Variants in PLD5 observed in about 807,000 individuals in gnomAD.
The protein encoded by PLD5 is inactive phospholipase D5.
In PLD5, 36 loss-of-function variants were observed where a neutral mutation model predicts 61.1. That is an observed-to-expected ratio of 0.59 (90% CI 0.45 to 0.78). PLD5 has a LOEUF of 0.78. Ranked by LOEUF, PLD5 falls within the 30% of genes least tolerant of loss-of-function variation. PLD5 has a pLI of 0.00. For synonymous variants in PLD5, 243 were observed against 242.8 expected (o/e 1.00, Z -0.01); for missense variants, 515 against 644.4 (o/e 0.80, Z 2.17).
intron 1 of PLD5, among the ~76,000 whole-genome samples, chr1:242,411,272 A>G (rs535513593): frequency 2.9e-4 from 44 of 152,200 alleles, no homozygotes; most frequent in African/African-American, 9.9e-4. Context: ...GTCTCGCTCT[A>G]TCGCCCAGGC....
intron 2 of PLD5, among the ~76,000 whole-genome samples, chr1:242,310,994 C>T (rs1574710615): frequency 6.6e-6 from 1 of 152,080 alleles, no homozygotes; most frequent in East Asian, 1.9e-4. Context: ...TTTACTTCTT[C>T]CAGTGGCCAG....
intron 1 of PLD5, among the ~76,000 whole-genome samples, chr1:242,348,863 G>A (rs575035436): frequency 2.0e-5 from 3 of 152,100 alleles, no homozygotes; most frequent in Non-Finnish European, 2.9e-5. Flanking sequence ...GACCGTCCTG[G>A]CTAACACGGT....
In PLD5 at chr1:242,084,307, T is replaced by TA. The variant is rs71802018; in HGVS notation, c.*5546dup. 3.2e-4 allele frequency: 49 copies of TA among 152,004 alleles called. No homozygotes were observed. Among genetic ancestry groups the TA allele is most frequent in the African/African-American group, 1.1e-3 (45 of 41,392 alleles). The allele number at this position is 152,004 out of a possible 1,614,324, so 9.4% of individuals were successfully genotyped here. ...ACCTCTCCAATGATAGTTTTTTTTTTAAAAGTATGCCTCTCAGATTGATTC... is the reference window on the plus strand; with the variant it reads ...ACCTCTCCAATGATAGTTTTTTTTTTAAAAAGTATGCCTCTCAGATTGATTC... On this transcript the variant is annotated 3_prime_UTR_variant, in exon 10 of 10. Coordinates refer to ENST00000536534, the MANE Select transcript of PLD5 (RefSeq NM_001372062.1).
At chr1:242,103,530 G>A (rs955481353) in intron 8 of PLD5, among the ~76,000 whole-genome samples, 13 of 152,174 alleles carry the variant, frequency 8.5e-5, no homozygotes, top group Admixed American at 7.9e-4. Flanking sequence ...GTAATTATCT[G>A]GAAAATGCTG....
At chr1:242,223,663 A>G (rs1670743544) in intron 4 of PLD5, among the ~76,000 whole-genome samples, 1 of 152,206 alleles carries the variant, frequency 6.6e-6, no homozygotes, top group Non-Finnish European at 1.5e-5. Flanking sequence ...AAATTCCTGT[A>G]TGTGGTATAA....
intron 9 of PLD5, among the ~76,000 whole-genome samples, chr1:242,090,549 G>C (rs147278136): frequency 3.3e-5 from 5 of 152,288 alleles, no homozygotes; most frequent in African/African-American, 1.2e-4. Context: ...TCACATCAAA[G>C]AAAACGCTGA....
chr1:242,354,720 A>C (rs898546757), intron 1 of PLD5, among the ~76,000 whole-genome samples: 171 of 152,120 alleles, frequency 1.1e-3, no homozygotes, highest in Non-Finnish European at 9.0e-4. Context: ...ATCTAGATGA[A>C]AGGGCTCTAA....
At chr1:242,507,994 G>GTT (rs34331301) in intron 1 of PLD5, among the ~76,000 whole-genome samples, 1,971 of 147,500 alleles carry the variant, frequency 0.013, 44 homozygotes, top group African/African-American at 0.046. Context: ...TTTTTAATCT[G>GTT]TTTTTTTTTT....
chr1:242,425,431 C>T (rs1665365265), intron 1 of PLD5, among the ~76,000 whole-genome samples: 1 of 152,026 alleles, frequency 6.6e-6, no homozygotes, highest in African/African-American at 2.4e-5. Context: ...AAATGGTATA[C>T]CTGTAGAGGG....
At chr1:242,253,642 A>G (rs543252941) in intron 4 of PLD5, among the ~76,000 whole-genome samples, 2 of 152,132 alleles carry the variant, frequency 1.3e-5, no homozygotes, top group South Asian at 4.2e-4. Context: ...ATCCTCCCCA[A>G]ATTCTAGCAT....
chr1:242,097,262 C>T (rs1468981112), intron 9 of PLD5, among the ~76,000 whole-genome samples: 1 of 152,158 alleles, frequency 6.6e-6, no homozygotes, highest in Non-Finnish European at 1.5e-5. Flanking sequence ...TGGGTATATA[C>T]CCAGTAATAG....
chr1:242,415,811 G>T (rs1374513939), intron 1 of PLD5, among the ~76,000 whole-genome samples: 2 of 152,162 alleles, frequency 1.3e-5, no homozygotes, highest in East Asian at 3.9e-4. Context: ...GCTGGGCCAA[G>T]ATTTTTTTAA....
chr1:242,113,740 GC>G (rs1661724307), intron 7 of PLD5, 149 bp downstream of exon 7: 4 of 952,738 alleles, frequency 4.2e-6, no homozygotes, highest in Non-Finnish European at 4.4e-6. Flanking sequence ...TGAGTAAATT[GC>G]CAATGCATGT....
At chr1:242,367,215 A>G (rs922003100) in intron 1 of PLD5, among the ~76,000 whole-genome samples, 4 of 152,192 alleles carry the variant, frequency 2.6e-5, no homozygotes, top group African/African-American at 9.7e-5. Context: ...CCACCTATGG[A>G]CAAGAAATTT....
chr1:242,229,275 T>C (rs1335746842), intron 4 of PLD5, among the ~76,000 whole-genome samples: 3 of 152,352 alleles, frequency 2.0e-5, no homozygotes, highest in South Asian at 2.1e-4. Context: ...CAAACAGAAT[T>C]TATCTCCAAG....
At chr1:242,242,516 G>T (rs1457050692) in intron 4 of PLD5, among the ~76,000 whole-genome samples, 2 of 152,204 alleles carry the variant, frequency 1.3e-5, no homozygotes, top group African/African-American at 4.8e-5. Flanking sequence ...TTTTGCTAAA[G>T]ATCCAATAAC....
At chr1:242,455,230 G>C (rs994342245) in intron 1 of PLD5, among the ~76,000 whole-genome samples, 13 of 152,108 alleles carry the variant, frequency 8.5e-5, no homozygotes, top group African/African-American at 2.9e-4. Context: ...CATTTGAAAG[G>C]CTTTATTTAG....
chr1:242,291,050 G>A (rs1675332276), intron 2 of PLD5, among the ~76,000 whole-genome samples: 1 of 152,066 alleles, frequency 6.6e-6, no homozygotes, highest in Non-Finnish European at 1.5e-5. Flanking sequence ...GGATTCAAAT[G>A]CCCTTTGTGA....
intron 9 of PLD5, among the ~76,000 whole-genome samples, chr1:242,098,607 T>C (rs1660442101): frequency 6.6e-6 from 1 of 152,242 alleles, no homozygotes. Context: ...GGTGAGGAGC[T>C]GCGTTCCTTT....
Sources: allele counts gnomAD v4.1 joint callset (sites outside exome capture counted in the v4.1 genomes callset), GRCh38; gene constraint gnomAD v4.1.1; transcripts MANE v1.5; gene names NCBI Gene and HGNC (gene_info 2026-07-23, HGNC 2026-07-21).